Variants in EIF4A2 observed in about 807,000 individuals in gnomAD.
EIF4A2 encodes eukaryotic translation initiation factor 4A2.
EIF4A2 carries 9 observed loss-of-function variants against 50.6 expected under a neutral mutation model. The ratio of observed to expected loss-of-function variants is 0.18; its 90% CI spans 0.11 to 0.31. The LOEUF is 0.31. Among genes scored for constraint, EIF4A2 ranks in the 10% least tolerant of loss-of-function variants. EIF4A2 has a pLI of 1.00. For synonymous variants in EIF4A2, 215 were observed against 164.4 expected (o/e 1.31, Z -2.35); for missense variants, 182 against 501.8 (o/e 0.36, Z 6.09).
intron 9 of EIF4A2, 70 bp downstream of exon 9, chr3:186,787,654 C>T: frequency 1.2e-6 from 2 of 1,601,784 alleles, no homozygotes; most frequent in Non-Finnish European, 8.6e-7. Flanking sequence ...TTTAAGTAAC[C>T]TTTGCCAACT....
At chr3:186,788,999 C>T (rs1560087478) in intron 10 of EIF4A2, 126 bp from the exon 11 acceptor site, 3 of 1,335,914 alleles carry the variant, frequency 2.2e-6, no homozygotes, top group East Asian at 2.5e-5. Context: ...AGCTAGTGCT[C>T]CAGTTAGAAG....
Position 186,787,272 on chromosome 3 carries a change from GTGT to G in EIF4A2, c.909+10_909+12del. The G allele has an allele frequency of 1.2e-6, 2 of 1,614,050 alleles. No individual in the cohort carries two copies. Among genetic ancestry groups the G allele is most frequent in the Middle Eastern group, 3.3e-4 (2 of 6,054 alleles). On this transcript the variant is annotated intron_variant, in intron 8 of 10. Transcript: ENST00000323963. ...TTCACAGTTTCTGCTCTGGTAAGAG[GTGT>G]TCTAAAATGTCTGGATTTCCACTAA...
rs80057919 is a variant in EIF4A2, at chr3:186,786,157, C to T, written c.518-7C>T. On this transcript the variant is annotated splice_polypyrimidine_tract_variant and splice_region_variant and intron_variant, in intron 5 of 10. Transcript: ENST00000323963. ...TAGAAATGACAGTATGACTTTGTTT[C>T]TAACAGCTCCAAAATGGATCAAAAT... The T allele has an allele frequency of 1.4e-3, 2,238 of 1,612,376 alleles. 76 individuals carry two copies. The East Asian group carries it at 0.047, about 34-fold the overall frequency.
At chr3:186,785,697 A>G (rs1721661033) in intron 4 of EIF4A2, 186 bp from the exon 5 acceptor site, 2 of 651,376 alleles carry the variant, frequency 3.1e-6, no homozygotes, top group South Asian at 2.8e-5. Flanking sequence ...GACAAGGCAT[A>G]AGAAAGACAT....
intron 4 of EIF4A2, chr3:186,785,667 A>AC (rs1721658140): frequency 3.8e-6 from 2 of 527,726 alleles, no homozygotes; most frequent in East Asian, 5.8e-5. Flanking sequence ...TGATGCGTGG[A>AC]GCAGCAGCAT....
chr3:186,787,958 T>C, intron 10 of EIF4A2, 76 bp downstream of exon 10: 2 of 1,450,044 alleles, frequency 1.4e-6, no homozygotes, highest in South Asian at 1.2e-5. Context: ...AAAGGTAACA[T>C]CAAATCAAGG....
At chr3:186,783,951 A>G (rs1414093900) in intron 1 of EIF4A2, 1 of 477,506 alleles carries the variant, frequency 2.1e-6, no homozygotes, top group Non-Finnish European at 3.8e-6. Flanking sequence ...CGAGTTCGGT[A>G]CACTGTAACC....
In EIF4A2 at chr3:186,785,065, A is replaced by G. The variant is rs946749236; in HGVS notation, c.312A>G (p.Ala104=). 22 of 1,614,090 alleles carry G rather than the reference A, an allele frequency of 1.4e-5. No individual in the cohort carries two copies. The highest frequency in any genetic ancestry group is 1.9e-5 in the Non-Finnish European group (22 of 1,180,044). The change falls in exon 4 of 11, where the codon GCA becomes GCG. Residue 104 remains alanine, a synonymous_variant. Transcript: ENST00000323963. ...QLEIEFKETQ[A]LVLAPTRELA... ...AGATTGAGTTCAAGGAGACCCAAGC[A>G]CTAGTATTGGCCCCCACCAGAGAAC...
Position 186,789,233 on chromosome 3 carries a change from G to A in EIF4A2, c.1188G>A (p.Val396=), listed in dbSNP as rs766820474. The A allele has an allele frequency of 1.2e-6, 2 of 1,611,680 alleles. No individual in the cohort carries two copies. Among genetic ancestry groups the A allele is most frequent in the Middle Eastern group, 1.9e-4 (1 of 5,182 alleles). Residue 396 remains valine (V), a synonymous_variant, in exon 11 of 11, where the codon GTG becomes GTA. Transcript: ENST00000323963. ...TTGAGACTTTCTACAATACTACAGTGGAGGAGATGCCCATGAATGTGGCTG... is the reference window on the plus strand; with the variant it reads ...TTGAGACTTTCTACAATACTACAGTAGAGGAGATGCCCATGAATGTGGCTG... ...RDIETFYNTT[V]EEMPMNVADL... is the part of the protein sequence containing the mutation.
At position 186,784,415 on chromosome 3, in the gene EIF4A2, A is replaced by G. The variant is rs191238095; in HGVS notation, c.30-17A>G. The G allele has an allele frequency of 1.6e-4, 251 of 1,614,196 alleles. 1 individual carries two copies. In the African/African-American group the frequency reaches 2.9e-3, roughly 19 times the overall value. On this transcript the variant is annotated splice_polypyrimidine_tract_variant and intron_variant, in intron 1 of 10. Coordinates refer to ENST00000323963, the MANE Select transcript of EIF4A2 (RefSeq NM_001967.4). ...TGGCCTGGAAGGGGTGTCTGACTGCAGTATTCTTGTCAGCAGAGAACATGG... is the reference window on the plus strand; with the variant it reads ...TGGCCTGGAAGGGGTGTCTGACTGCGGTATTCTTGTCAGCAGAGAACATGG...
chr3:186,788,775 C>T (rs960384875), intron 10 of EIF4A2: 12 of 245,656 alleles, frequency 4.9e-5, no homozygotes, highest in Admixed American at 1.0e-4. Flanking sequence ...CTCTTTTATT[C>T]CTGGTGTTCA....
chr3:186,787,098 C>CA (rs761447929), intron 7 of EIF4A2, 29 bp from the exon 8 acceptor site: 1 of 1,611,624 alleles, frequency 6.2e-7, no homozygotes, highest in South Asian at 1.1e-5. Context: ...AACTAAATGA[C>CA]TGTTAACTTT....
At chr3:186,785,168 A>C (rs1373065574) in intron 4 of EIF4A2, 67 bp downstream of exon 4, 1 of 1,591,872 alleles carries the variant, frequency 6.3e-7, no homozygotes, top group Non-Finnish European at 8.6e-7. Flanking sequence ...ACAACTGTGA[A>C]GAATTTAAAA....
intron 2 of EIF4A2, 37 bp downstream of exon 2, chr3:186,784,514 G>T (rs781469768): frequency 6.2e-7 from 1 of 1,614,126 alleles, no homozygotes; most frequent in Non-Finnish European, 8.5e-7. Context: ...CTTTGGAAAG[G>T]TGAGTGTGTT....
intron 6 of EIF4A2, 65 bp from the exon 7 acceptor site, chr3:186,786,437 T>C (rs1721717141): frequency 1.3e-6 from 2 of 1,584,616 alleles, no homozygotes; most frequent in Non-Finnish European, 1.7e-6. Context: ...GACGCTTGGC[T>C]TCAGACATTT....
intron 1 of EIF4A2, 128 bp from the exon 2 acceptor site, chr3:186,784,304 C>A (rs1430190931): frequency 2.9e-6 from 4 of 1,377,460 alleles, no homozygotes; most frequent in Non-Finnish European, 4.1e-6. Context: ...GATATTCGCC[C>A]TGAGGCTGCT....
Position 186,789,423 on chromosome 3 carries a change from C to A in EIF4A2, c.*154C>A, listed in dbSNP as rs1011762644. ...ATTTTGATAGCAAAGCGACGTTAGTCGTGAGCTCTTGTGAGGAAAGTCATT... is the reference window on the plus strand; with the variant it reads ...ATTTTGATAGCAAAGCGACGTTAGTAGTGAGCTCTTGTGAGGAAAGTCATT... On this transcript the variant is annotated 3_prime_UTR_variant, in exon 11 of 11. Coordinates refer to ENST00000323963, the MANE Select transcript of EIF4A2 (RefSeq NM_001967.4). The A allele has an allele frequency of 3.6e-6, 4 of 1,114,860 alleles. No individual in the cohort carries two copies. Among genetic ancestry groups the A allele is most frequent in the South Asian group, 1.9e-5 (1 of 52,996 alleles). 69.1% of individuals were successfully genotyped at this position (1,114,860 alleles called of 1,614,324 possible).
At chr3:186,785,493 T>A in intron 4 of EIF4A2, 1 of 298,472 alleles carries the variant, frequency 3.4e-6, no homozygotes, top group Non-Finnish European at 6.3e-6. Flanking sequence ...ACCTTCCTAA[T>A]AAAGCTGTAG....
In EIF4A2 at chr3:186,784,559, T is replaced by TA. The variant is rs1560083590; in HGVS notation, c.76-4dup. Reference sequence around the variant, plus strand: ...TATGCGTGCATTATTTTTTCTAACTTACAGAGCAACTGGAATGAGATTGTT... The same window carrying TA: ...TATGCGTGCATTATTTTTTCTAACTTAACAGAGCAACTGGAATGAGATTGTT... On this transcript the variant is annotated splice_region_variant and splice_polypyrimidine_tract_variant and intron_variant, in intron 2 of 10. Coordinates refer to ENST00000323963, the MANE Select transcript of EIF4A2 (RefSeq NM_001967.4). 6.2e-6 allele frequency: 10 copies of TA among 1,614,178 alleles called. No homozygotes were observed. The highest frequency in any genetic ancestry group is 1.1e-5 in the South Asian group (1 of 91,086).
Sources: gnomAD v4.1 joint callset for allele counts on GRCh38, gnomAD v4.1.1 for gene constraint, MANE v1.5 for transcripts, NCBI Gene and HGNC (gene_info 2026-07-23, HGNC 2026-07-21) for gene names.